CCBE1: variants seen among roughly 807,000 people sequenced by gnomAD.
The protein encoded by CCBE1 is collagen and calcium binding EGF domains 1, also known as collagen and calcium-binding EGF domain-containing protein 1.
A neutral mutation model predicts 50.0 loss-of-function variants in CCBE1; 37 were observed. The ratio of observed to expected loss-of-function variants is 0.74; its 90% CI spans 0.57 to 0.97. CCBE1 has a LOEUF of 0.97. Ranked by LOEUF, CCBE1 falls within the 50% of genes least tolerant of loss-of-function variation. The pLI is 0.00. For missense variants in CCBE1, 538 were observed against 523.8 expected (o/e 1.03, Z -0.26); for synonymous variants, 234 against 203.7 (o/e 1.15, Z -1.27).
At chr18:59,509,850 G>A (rs1333782157) in intron 2 of CCBE1, among the ~76,000 whole-genome samples, 1 of 152,212 alleles carries the variant, frequency 6.6e-6, no homozygotes, top group East Asian at 1.9e-4. Context: ...AGCTGGGTGA[G>A]AAAAGGAATA....
chr18:59,450,781 C>T (rs1206394133), intron 6 of CCBE1, among the ~76,000 whole-genome samples: 7 of 152,228 alleles, frequency 4.6e-5, no homozygotes, highest in Non-Finnish European at 1.0e-4. Flanking sequence ...GTGATCCGCC[C>T]GCCTTGGCTT....
At chr18:59,571,065 C>T (rs933902602) in intron 2 of CCBE1, among the ~76,000 whole-genome samples, 1 of 152,168 alleles carries the variant, frequency 6.6e-6, no homozygotes, top group African/African-American at 2.4e-5. Flanking sequence ...AGTATAATAG[C>T]AGTCAGTCCC....
At position 59,454,797 on chromosome 18, in the gene CCBE1, T is replaced by C. The variant is rs112357620; in HGVS notation, c.654+54A>G. On this transcript the variant is annotated intron_variant, in intron 6 of 10. Transcript: ENST00000439986. ...TTGTAAATATCCTTCCACCTGGCCT[T>C]GGCCAAGCCCTCCTTCCATCAGGCA... 845 of 1,446,762 alleles carry C rather than the reference T, an allele frequency of 5.8e-4. 3 individuals carry two copies. In the African/African-American group the frequency reaches 1.0e-2, roughly 17 times the overall value. 89.6% of individuals were successfully genotyped at this position (1,446,762 alleles called of 1,614,324 possible). A position where few individuals can be genotyped will look rare whatever the true frequency, so the allele number is the denominator to read the frequency against.
chr18:59,474,658 A>G (rs1378069389), intron 3 of CCBE1, among the ~76,000 whole-genome samples: 2 of 152,186 alleles, frequency 1.3e-5, no homozygotes, highest in African/African-American at 4.8e-5. Context: ...CTTAGAAAAT[A>G]TATCTTCTGT....
intron 2 of CCBE1, among the ~76,000 whole-genome samples, chr18:59,539,300 C>T (rs1915377609): frequency 1.3e-5 from 2 of 152,014 alleles, no homozygotes; most frequent in Admixed American, 1.3e-4. Flanking sequence ...CGATGAAGAA[C>T]ACTGCCACAC....
At chr18:59,685,130 C>T (rs2054638888) in intron 2 of CCBE1, among the ~76,000 whole-genome samples, 1 of 152,020 alleles carries the variant, frequency 6.6e-6, no homozygotes, top group African/African-American at 2.4e-5. Flanking sequence ...AGCAACAAAG[C>T]AAAATATATT....
intron 2 of CCBE1, among the ~76,000 whole-genome samples, chr18:59,605,204 G>C (rs915126240): frequency 3.9e-5 from 6 of 152,246 alleles, no homozygotes; most frequent in African/African-American, 1.4e-4. Flanking sequence ...GAGTCTGGCA[G>C]TGATATGAAC....
At chr18:59,601,792 G>T (rs540608524) in intron 2 of CCBE1, among the ~76,000 whole-genome samples, 111 of 152,304 alleles carry the variant, frequency 7.3e-4, no homozygotes, top group African/African-American at 2.6e-3. Flanking sequence ...TTAGTGAGGG[G>T]AGTGCATTCT....
chr18:59,669,788 G>A (rs2054407688), intron 2 of CCBE1, among the ~76,000 whole-genome samples: 1 of 152,220 alleles, frequency 6.6e-6, no homozygotes, highest in African/African-American at 2.4e-5. Context: ...ATGGGGTCAG[G>A]CCCACCTTTC....
At chr18:59,459,137 A>G (rs1171877184) in intron 5 of CCBE1, 1 of 152,202 alleles carries the variant, frequency 6.6e-6, no homozygotes, top group African/African-American at 2.4e-5. Context: ...CTCTATTCAC[A>G]GTACTCATTT....
intron 2 of CCBE1, among the ~76,000 whole-genome samples, chr18:59,524,843 G>A (rs766867606): frequency 2.0e-5 from 3 of 152,122 alleles, no homozygotes; most frequent in Non-Finnish European, 4.4e-5. Context: ...GAGAACATGT[G>A]GTGTTTGGTT....
chr18:59,449,817 A>G (rs1484696170), intron 6 of CCBE1, among the ~76,000 whole-genome samples: 1 of 152,196 alleles, frequency 6.6e-6, no homozygotes, highest in Non-Finnish European at 1.5e-5. Context: ...GATGGGCTCC[A>G]GAGATGCTCC....
rs71336346 is a variant in CCBE1, at chr18:59,573,284, A to AATATATATATATATATATATATATAT, written c.213-93047_213-93046insATATATATATATATATATATATATAT. Among the ~76,000 whole-genome samples the AATATATATATATATATATATATATAT allele has an allele frequency of 5.1e-3, 476 of 93,344 alleles. 19 individuals carry two copies. Among genetic ancestry groups the AATATATATATATATATATATATATAT allele is most frequent in the Non-Finnish European group, 7.2e-3 (328 of 45,396 alleles). The allele number at this position is 93,344 out of a possible 152,430, so 61.2% of individuals were successfully genotyped here. A position where few individuals can be genotyped will look rare whatever the true frequency, so the allele number is the denominator to read the frequency against. ...TGGGCAATATAGTGAGACTCCGTCT[A>AATATATATATATATATATATATATAT]ATATATATATATATATATGTATGTA... On this transcript the variant is annotated intron_variant, in intron 2 of 10. Transcript: ENST00000439986.
intron 2 of CCBE1, among the ~76,000 whole-genome samples, chr18:59,614,672 T>C (rs115532031): frequency 1.3e-5 from 2 of 152,350 alleles, no homozygotes; most frequent in African/African-American, 2.4e-5. Flanking sequence ...TAAACGCTGA[T>C]TGAAATTCAC....
At chr18:59,659,596 G>A (rs530194971) in intron 2 of CCBE1, among the ~76,000 whole-genome samples, 13 of 152,116 alleles carry the variant, frequency 8.5e-5, no homozygotes, top group Non-Finnish European at 1.6e-4. Flanking sequence ...CAAAGCTATC[G>A]AATGCACAGC....
At chr18:59,515,128 T>C (rs1914312714) in intron 2 of CCBE1, among the ~76,000 whole-genome samples, 1 of 151,712 alleles carries the variant, frequency 6.6e-6, no homozygotes, top group Non-Finnish European at 1.5e-5. Context: ...ACAAGAAGGG[T>C]AGGAAGAAAG....
At chr18:59,584,341 G>A (rs1364723481) in intron 2 of CCBE1, among the ~76,000 whole-genome samples, 1 of 132,712 alleles carries the variant, frequency 7.5e-6, no homozygotes, top group Non-Finnish European at 1.6e-5. Flanking sequence ...CACACTCTGG[G>A]GACTGTTGTG....
chr18:59,646,561 G>T (rs548604141), intron 2 of CCBE1, among the ~76,000 whole-genome samples: 1 of 152,288 alleles, frequency 6.6e-6, no homozygotes, highest in South Asian at 2.1e-4. Context: ...AATAGTTTGG[G>T]CTTTAGGGAA....
At chr18:59,640,286 A>G (rs1041648534) in intron 2 of CCBE1, among the ~76,000 whole-genome samples, 2 of 152,204 alleles carry the variant, frequency 1.3e-5, no homozygotes, top group African/African-American at 2.4e-5. Context: ...AAACAGATAC[A>G]CAGACCAATG....
Sources: allele counts gnomAD v4.1 joint callset (sites outside exome capture counted in the v4.1 genomes callset), GRCh38; gene constraint gnomAD v4.1.1; transcripts MANE v1.5; gene names NCBI Gene and HGNC (gene_info 2026-07-23, HGNC 2026-07-21).